The following RNLS variants were observed in gnomAD, a reference collection of about 807,000 sequenced individuals.
RNLS encodes renalase, FAD dependent amine oxidase, also known as renalase.
RNLS carries 39 observed loss-of-function variants against 39.8 expected under a neutral mutation model. That is an observed-to-expected ratio of 0.98 (90% confidence interval 0.76 to 1.28). The LOEUF (loss-of-function observed/expected upper bound fraction) is 1.28. Among genes scored for constraint, RNLS ranks in the 50% most tolerant of loss-of-function variants. The pLI, the probability that RNLS is intolerant of heterozygous loss-of-function variation, is 0.00. For missense variants in RNLS, 410 were observed against 413.3 expected (o/e 0.99, Z 0.07); for synonymous variants, 147 against 150.7 (o/e 0.98, Z 0.18).
chr10:88,512,850 G>A (rs1461258148), intron 4 of RNLS, among the ~76,000 whole-genome samples: 3 of 152,066 alleles, frequency 2.0e-5, no homozygotes, highest in Non-Finnish European at 2.9e-5. Context: ...TTACACCTAC[G>A]TTTCAACTAT....
chr10:88,189,757 A>T, the RNLS span, among the ~76,000 whole-genome samples: 2 of 152,224 alleles, frequency 1.3e-5, no homozygotes, highest in Non-Finnish European at 2.9e-5. Flanking sequence ...ATTTTCAATT[A>T]TTCTTATCTC....
At chr10:88,581,294 G>GTGTATATATATATATA (rs1376395535) in intron 3 of RNLS, among the ~76,000 whole-genome samples, 8 of 129,854 alleles carry the variant, frequency 6.2e-5, no homozygotes, top group South Asian at 2.4e-4. Flanking sequence ...GTGTGTGTGT[G>GTGTATATATATATATA]TATATATATA....
the RNLS span, among the ~76,000 whole-genome samples, chr10:88,191,080 C>G: frequency 6.6e-6 from 1 of 152,218 alleles, no homozygotes; most frequent in Non-Finnish European, 1.5e-5. Flanking sequence ...GGCTTAGCAA[C>G]AGTGACATCG....
In RNLS at chr10:88,560,975, T is replaced by C. The variant is rs11202773; in HGVS notation, c.526+11928A>G. ...ACACACACACACACACACACACACATACACACACAGACCCATAATCCACTC... is the reference window on the plus strand; with the variant it reads ...ACACACACACACACACACACACACACACACACACAGACCCATAATCCACTC... On this transcript the variant is annotated intron_variant, in intron 4 of 6. Transcript: ENST00000331772. 3.0e-3 allele frequency among the ~76,000 whole-genome samples: 390 copies of C among 132,076 alleles called. 1 individual carries two copies. Among genetic ancestry groups the C allele is most frequent in the African/African-American group, 9.8e-3 (342 of 35,012 alleles). The allele number at this position is 132,076 out of a possible 152,430, so 86.6% of individuals were successfully genotyped here.
At chr10:88,406,896 C>A (rs1033608686) in intron 4 of RNLS, among the ~76,000 whole-genome samples, 11 of 152,052 alleles carry the variant, frequency 7.2e-5, no homozygotes, top group African/African-American at 2.4e-4. Flanking sequence ...ACAGCATCTG[C>A]AGTGACCTGG....
At chr10:88,579,308 A>T (rs1405002687) in intron 3 of RNLS, among the ~76,000 whole-genome samples, 3 of 152,200 alleles carry the variant, frequency 2.0e-5, no homozygotes, top group Non-Finnish European at 2.9e-5. Flanking sequence ...AGCTACAATC[A>T]AACACGGTAG....
intron 5 of RNLS, among the ~76,000 whole-genome samples, chr10:88,350,251 C>CT (rs2133279505): frequency 6.6e-6 from 1 of 150,750 alleles, no homozygotes; most frequent in East Asian, 1.9e-4. Flanking sequence ...TTTTATTATA[C>CT]TTTAAGTTCT....
At chr10:88,375,137 C>A (rs1019907124) in intron 4 of RNLS, among the ~76,000 whole-genome samples, 6 of 152,088 alleles carry the variant, frequency 3.9e-5, no homozygotes, top group African/African-American at 1.4e-4. Context: ...ATTATCTTCT[C>A]TTCCCTTTCT....
chr10:88,366,663 GAAAAAAAAAA>G (rs774157650), intron 4 of RNLS, among the ~76,000 whole-genome samples: 12 of 25,832 alleles, frequency 4.6e-4, no homozygotes, highest in Admixed American at 6.5e-4. Context: ...TAAGTTTTCT[GAAAAAAAAAA>G]AAAAAAAAAA....
intron 6 of RNLS, among the ~76,000 whole-genome samples, chr10:88,295,586 A>C (rs913276530): frequency 6.6e-6 from 1 of 152,176 alleles, no homozygotes; most frequent in African/African-American, 2.4e-5. Flanking sequence ...CTGGTACTAC[A>C]GAGAGCTGCT....
intron 5 of RNLS, among the ~76,000 whole-genome samples, chr10:88,322,566 G>A (rs530132546): frequency 1.3e-5 from 2 of 152,286 alleles, no homozygotes; most frequent in Admixed American, 1.3e-4. Context: ...CATGTAAGAA[G>A]TGCCTGCTTC....
chr10:88,373,023 ATATT>A lies in RNLS; in HGVS notation c.527-10302_527-10299del, dbSNP rs202232387. On this transcript the variant is annotated intron_variant, in intron 4 of 6. Coordinates refer to ENST00000331772, the MANE Select transcript of RNLS (RefSeq NM_001031709.3). ...TACAAAATGTCACAGAATATCATAC[ATATT>A]TATTTTACAGCCACTCTTCCCAGCC... 1.2e-3 allele frequency among the ~76,000 whole-genome samples: 176 copies of A among 150,106 alleles called. 1 individual carries two copies. In the Middle Eastern group the frequency reaches 0.02, roughly 17 times the overall value.
chr10:88,534,091 A>G (rs561839479), intron 4 of RNLS, among the ~76,000 whole-genome samples: 1 of 152,256 alleles, frequency 6.6e-6, no homozygotes, highest in South Asian at 2.1e-4. Flanking sequence ...GAAGAAATTT[A>G]TAAAGAAGGC....
intron 6 of RNLS, among the ~76,000 whole-genome samples, chr10:88,306,894 T>C (rs1256397875): frequency 6.6e-6 from 1 of 152,106 alleles, no homozygotes; most frequent in African/African-American, 2.4e-5. Context: ...TTCAGGCCAA[T>C]ATCCTTGAAC....
At chr10:88,202,302 G>GA in the RNLS span, among the ~76,000 whole-genome samples, 6 of 116,082 alleles carry the variant, frequency 5.2e-5, no homozygotes, top group African/African-American at 1.9e-4. Context: ...CTGATGTGGG[G>GA]TGGGGGGAGG....
intron 4 of RNLS, among the ~76,000 whole-genome samples, chr10:88,488,100 A>G (rs1335040193): frequency 6.6e-6 from 1 of 152,212 alleles, no homozygotes; most frequent in African/African-American, 2.4e-5. Context: ...TATGAATTAC[A>G]AAGAATCATG....
At chr10:88,374,319 CCTT>C (rs750927903) in intron 4 of RNLS, among the ~76,000 whole-genome samples, 3 of 152,024 alleles carry the variant, frequency 2.0e-5, no homozygotes, top group Non-Finnish European at 4.4e-5. Flanking sequence ...CAAAAGTTCT[CCTT>C]ATTAACAAGG....
intron 5 of RNLS, among the ~76,000 whole-genome samples, chr10:88,319,175 A>G (rs1845989558): frequency 6.6e-6 from 1 of 152,196 alleles, no homozygotes; most frequent in Non-Finnish European, 1.5e-5. Context: ...TGAAGGACCC[A>G]TACAGCACCT....
At chr10:88,403,519 G>GTCACA (rs1853066120) in intron 4 of RNLS, among the ~76,000 whole-genome samples, 2 of 151,948 alleles carry the variant, frequency 1.3e-5, no homozygotes, top group Admixed American at 6.6e-5. Context: ...ATAATTTTGG[G>GTCACA]TCACATTGGG....
Sources: gnomAD v4.1 joint callset for allele counts (sites outside exome capture counted in the v4.1 genomes callset) on GRCh38, gnomAD v4.1.1 for gene constraint, MANE v1.5 for transcripts, NCBI Gene and HGNC (gene_info 2026-07-23, HGNC 2026-07-21) for gene names.